The following NDEL1 variants were observed in gnomAD, a reference collection of about 807,000 sequenced individuals.
NDEL1 encodes nuclear distribution protein nudE-like 1.
A neutral mutation model predicts 45.7 loss-of-function variants in NDEL1; 9 were observed. The observed-to-expected ratio is 0.20, with a 90% confidence interval of 0.12 to 0.34. NDEL1 has a LOEUF of 0.34. NDEL1 is among the 10% of genes least tolerant of loss of function. The pLI, the probability that NDEL1 is intolerant of heterozygous loss-of-function variation, is 1.00. For missense variants in NDEL1, 306 were observed against 406.2 expected (o/e 0.75, Z 2.12); for synonymous variants, 133 against 158.6 (o/e 0.84, Z 1.21).
chr17:8,440,314 G>A (rs1002274927), intron 1 of NDEL1, among the ~76,000 whole-genome samples: 22 of 152,016 alleles, frequency 1.4e-4, no homozygotes, highest in African/African-American at 4.4e-4. Context: ...TCAGGAGTTC[G>A]AGACAGCCTG....
At chr17:8,434,556 A>C (rs1226591703), upstream of NDEL1, among the ~76,000 whole-genome samples, 1 of 152,122 alleles carries the variant, frequency 6.6e-6, no homozygotes, top group East Asian at 1.9e-4. Flanking sequence ...CCTAAAGGAA[A>C]GGATTACCTT....
chr17:8,424,751 G>A (rs1047723068), intron 1 of NDEL1, among the ~76,000 whole-genome samples: 20 of 152,136 alleles, frequency 1.3e-4, no homozygotes, highest in Non-Finnish European at 2.4e-4. Flanking sequence ...TGATCCACCC[G>A]CCTTGGCCTC....
At chr17:8,461,372 A>G (rs1911192693) in intron 8 of NDEL1, 1 of 152,334 alleles carries the variant, frequency 6.6e-6, no homozygotes, top group South Asian at 2.1e-4. Context: ...AAACATCACT[A>G]TACAAATTAG....
chr17:8,416,624 A>C (rs1443107115), intron 1 of NDEL1, among the ~76,000 whole-genome samples: 2 of 152,094 alleles, frequency 1.3e-5, no homozygotes, highest in Admixed American at 6.6e-5. Context: ...TAGGATTCTG[A>C]AATTTCATCT....
intron 1 of NDEL1, among the ~76,000 whole-genome samples, chr17:8,414,123 CTTT>C (rs1452743390): frequency 6.6e-6 from 1 of 151,972 alleles, no homozygotes; most frequent in Non-Finnish European, 1.5e-5. Flanking sequence ...CTACCTTGTC[CTTT>C]TTAACAGCTA....
chr17:8,418,572 G>T (rs1908608077), intron 1 of NDEL1, among the ~76,000 whole-genome samples: 1 of 152,116 alleles, frequency 6.6e-6, no homozygotes. Context: ...ACTAGGGCAG[G>T]ACGACTGTTA....
chr17:8,465,457 G>A lies in NDEL1; in HGVS notation c.945-1473G>A, dbSNP rs1255970558. The stretch of plus-strand genomic sequence containing the variant: ...CCTGGGGCTCTTGGTCTCTGTATGC[G>A]TGGTTGGAATTTAAACTCCACATAT... On this transcript the variant is annotated intron_variant, in intron 8 of 8. Coordinates refer to ENST00000334527, the MANE Select transcript of NDEL1 (RefSeq NM_030808.5). This position sits in a 1 kb window ranked among gnomAD's most constrained non-coding sequence, Gnocchi z 4.9. 6.6e-6 allele frequency: 1 copy of A among 152,326 alleles called. No individual in the cohort carries two copies. Among genetic ancestry groups the A allele is most frequent in the Admixed American group, 6.5e-5 (1 of 15,314 alleles). The allele number at this position is 152,326 out of a possible 1,614,324, so 9.4% of individuals were successfully genotyped here.
Position 8,465,656 on chromosome 17 carries a change from A to C in NDEL1, c.945-1274A>C, listed in dbSNP as rs943855698. 1.3e-5 allele frequency: 2 copies of C among 149,236 alleles called. No individual in the cohort carries two copies. The highest frequency in any genetic ancestry group is 2.1e-4 in the South Asian group (1 of 4,722). The allele number at this position is 149,236 out of a possible 1,614,324, so 9.2% of individuals were successfully genotyped here. ...TCGGCATTTTTTTTTTTTAAGGAGA[A>C]CCTCTCTCCATGAGTCTGTATTTAG... On this transcript the variant is annotated intron_variant, in intron 8 of 8. Transcript: ENST00000334527. This position sits in a 1 kb window ranked among gnomAD's most constrained non-coding sequence, Gnocchi z 4.9.
chr17:8,415,207 C>G (rs1403180599), intron 1 of NDEL1, among the ~76,000 whole-genome samples: 2 of 148,192 alleles, frequency 1.3e-5, no homozygotes, highest in Non-Finnish European at 3.0e-5. Flanking sequence ...GAGATGGGAT[C>G]TTGCTCTGTT....
At chr17:8,442,777 C>CTTTTTTTT (rs34963430) in intron 1 of NDEL1, among the ~76,000 whole-genome samples, 35 of 84,116 alleles carry the variant, frequency 4.2e-4, no homozygotes, top group African/African-American at 9.6e-4. Flanking sequence ...TATTTATTTA[C>CTTTTTTTT]TTTTTTTTTT....
At chr17:8,473,138 GT>G (rs1911922951), downstream of NDEL1, among the ~76,000 whole-genome samples, 3 of 152,144 alleles carry the variant, frequency 2.0e-5, no homozygotes, top group African/African-American at 7.2e-5. Flanking sequence ...ACGCTGAGTA[GT>G]TGGGAAACTG....
rs965273423 is a variant in NDEL1, at chr17:8,459,981, C to T, written c.793-28C>T. ...TTATGTGCAGCTACTGTTTTGACAA[C>T]CATATCATTCCTCCTTCTTTTTTGT... On this transcript the variant is annotated intron_variant, in intron 7 of 8. Coordinates refer to ENST00000334527, the MANE Select transcript of NDEL1 (RefSeq NM_030808.5). The T allele has an allele frequency of 1.9e-6, 3 of 1,592,834 alleles. No individual in the cohort carries two copies. In the African/African-American group the frequency reaches 4.1e-5, roughly 22 times the overall value.
intron 1 of NDEL1, among the ~76,000 whole-genome samples, chr17:8,417,457 A>G (rs1908571435): frequency 6.6e-6 from 1 of 152,110 alleles, no homozygotes. Flanking sequence ...TTCACATTGG[A>G]GGCTTCCTCA....
chr17:8,430,487 C>T lies in NDEL1; in HGVS notation c.-12-13773C>T, dbSNP rs962702478. Reference sequence around the variant, plus strand: ...TCCAGCATCTTTACTAGCTAGGGTTCGGGCTTGTACCCAGATCTCTCTTAG... The same window carrying T: ...TCCAGCATCTTTACTAGCTAGGGTTTGGGCTTGTACCCAGATCTCTCTTAG... On this transcript the variant is annotated intron_variant, in intron 1 of 4. Coordinates refer to the NDEL1 transcript ENST00000582812. Among the ~76,000 whole-genome samples the T allele has an allele frequency of 5.3e-5, 8 of 152,140 alleles. No individual in the cohort carries two copies. In the East Asian group the frequency reaches 7.7e-4, roughly 15 times the overall value.
chr17:8,452,948 AGGCC>A (rs1334651216), intron 6 of NDEL1, among the ~76,000 whole-genome samples: 1 of 151,962 alleles, frequency 6.6e-6, no homozygotes. Context: ...CATGTTGGTC[AGGCC>A]AGTCTCAAAC....
intron 8 of NDEL1, chr17:8,463,461 G>C (rs762309456): frequency 2.9e-6 from 3 of 1,022,758 alleles, no homozygotes; most frequent in Non-Finnish European, 4.4e-6. Flanking sequence ...GGCTGACTCA[G>C]CTTTAACCAA....
intron 5 of NDEL1, among the ~76,000 whole-genome samples, chr17:8,448,919 T>C (rs1326001340): frequency 6.6e-6 from 1 of 152,214 alleles, no homozygotes; most frequent in African/African-American, 2.4e-5. Context: ...CCAATCCCCA[T>C]GTATACTGAG....
intron 1 of NDEL1, among the ~76,000 whole-genome samples, chr17:8,443,698 G>A (rs759480187): frequency 6.6e-6 from 1 of 152,164 alleles, no homozygotes; most frequent in Non-Finnish European, 1.5e-5. Context: ...TTGGAGATTA[G>A]TGGGCTTTTG....
Position 8,425,833 on chromosome 17 carries a change from C to T in NDEL1, c.-13+12564C>T, listed in dbSNP as rs191522524. On this transcript the variant is annotated intron_variant, in intron 1 of 4. Coordinates refer to the NDEL1 transcript ENST00000582812. Reference sequence around the variant, plus strand: ...TTGAGTTAAGGTCTTGCTCTGTTACCCAGGCAACCAACCCATGGTACAATC... The same window carrying T: ...TTGAGTTAAGGTCTTGCTCTGTTACTCAGGCAACCAACCCATGGTACAATC... Among the ~76,000 whole-genome samples, 418 of 151,250 alleles carry T rather than the reference C, an allele frequency of 2.8e-3. 5 individuals carry two copies. Among genetic ancestry groups the T allele is most frequent in the Non-Finnish European group, 1.9e-3 (126 of 67,902 alleles).
Sources: allele counts gnomAD v4.1 joint callset (sites outside exome capture counted in the v4.1 genomes callset), GRCh38; gene constraint gnomAD v4.1.1; non-coding constraint Gnocchi (gnomAD v3.1); transcripts MANE v1.5; gene names NCBI Gene and HGNC (gene_info 2026-07-23, HGNC 2026-07-21).